The following ATP11A variants were observed in gnomAD, a reference collection of about 807,000 sequenced individuals.
ATP11A encodes the protein ATPase phospholipid transporting 11A.
A neutral mutation model predicts 154.4 loss-of-function variants in ATP11A; 81 were observed. The observed-to-expected ratio is 0.52, with a 90% confidence interval of 0.44 to 0.63. The LOEUF is 0.63. ATP11A is among the 30% of genes least tolerant of loss of function. The pLI is 0.00. For synonymous variants in ATP11A, 623 were observed against 585.9 expected, an observed-to-expected ratio of 1.06 and a Z score of -0.91; for missense variants, 1,316 against 1,474.3, an observed-to-expected ratio of 0.89 and a Z score of 1.76.
At chr13:112,857,669 C>T (rs543553480) in intron 20 of ATP11A, 149 bp from the exon 21 acceptor site, 240 of 647,648 alleles carry the variant, frequency 3.7e-4, no homozygotes, top group Non-Finnish European at 5.3e-4. Context: ...ATGGAGAAAA[C>T]AGACAGAATG....
chr13:112,823,407 T>C lies in ATP11A; in HGVS notation c.788T>C (p.Phe263Ser), dbSNP rs146522718. ...ACACTGAAGAACACTGAGAAAATCT[T>C]TGGTAAATATTTAATTAATTATTAA... ...GATLKNTEKI[F>S]GVAIYTGMET... The change falls in exon 9 of 30, where the codon TTT (phenylalanine) becomes TCT (serine). Residue 263 changes from phenylalanine to serine, a missense_variant and splice_region_variant. Coordinates refer to ENST00000375645, the MANE Select transcript of ATP11A (RefSeq NM_015205.3). 5.3e-5 allele frequency: 85 copies of C among 1,609,850 alleles called. No individual in the cohort carries two copies. Among genetic ancestry groups the C allele is most frequent in the Non-Finnish European group, 6.7e-5 (79 of 1,176,660 alleles).
At chr13:112,736,176 C>A (rs751860855) in intron 1 of ATP11A, among the ~76,000 whole-genome samples, 3 of 152,218 alleles carry the variant, frequency 2.0e-5, no homozygotes, top group Admixed American at 6.5e-5. Context: ...CTGATCCAAC[C>A]ACACTGTTTG....
At chr13:112,816,470 G>A (rs1221332878) in intron 6 of ATP11A, among the ~76,000 whole-genome samples, 2 of 152,098 alleles carry the variant, frequency 1.3e-5, no homozygotes, top group African/African-American at 4.8e-5. Context: ...TTTTTATAGT[G>A]AAATTGTTAT....
At chr13:112,830,857 C>T (rs926709073) in intron 12 of ATP11A, among the ~76,000 whole-genome samples, 5 of 152,198 alleles carry the variant, frequency 3.3e-5, no homozygotes, top group African/African-American at 1.2e-4. Flanking sequence ...ACAGTTTTCT[C>T]TGAGATTTGT....
Position 112,780,533 on chromosome 13 carries a change from C to T in ATP11A, c.40-4602C>T, listed in dbSNP as rs144259403. ...TTCCGTGTATCCCTTCATCAGTGGA[C>T]GCGCGTTTGGAGGCTGCCACCTTTG... On this transcript the variant is annotated intron_variant, in intron 1 of 29. Transcript: ENST00000375645. 9.4e-4 allele frequency among the ~76,000 whole-genome samples: 143 copies of T among 152,262 alleles called. 1 individual carries two copies. Among genetic ancestry groups the T allele is most frequent in the Admixed American group, 1.8e-3 (28 of 15,294 alleles).
chr13:112,837,852 G>A (rs1428466572), intron 16 of ATP11A, among the ~76,000 whole-genome samples: 1 of 151,814 alleles, frequency 6.6e-6, no homozygotes, highest in Non-Finnish European at 1.5e-5. Flanking sequence ...GAGGCAGTGT[G>A]ACTCTCGGTG....
At chr13:112,745,649 G>A (rs1380192871) in intron 1 of ATP11A, 1 of 152,138 alleles carries the variant, frequency 6.6e-6, no homozygotes, top group Non-Finnish European at 1.5e-5. Context: ...ATGAGAATGA[G>A]TGAGGAAAGC....
chr13:112,711,151 G>C (rs1038333285), intron 1 of ATP11A, among the ~76,000 whole-genome samples: 1 of 152,236 alleles, frequency 6.6e-6, no homozygotes, highest in Non-Finnish European at 1.5e-5. Flanking sequence ...CAGCTGGGCC[G>C]CGTGCGGCTC....
At chr13:112,692,496 CTA>C (rs1052170058) in intron 1 of ATP11A, among the ~76,000 whole-genome samples, 4 of 152,106 alleles carry the variant, frequency 2.6e-5, no homozygotes, top group African/African-American at 7.2e-5. Context: ...TTATATAGAT[CTA>C]TATAAGTGTT....
chr13:112,779,141 TAGCCGCTGGAGTGAGG>T (rs2077430960), intron 1 of ATP11A, among the ~76,000 whole-genome samples: 1 of 46,250 alleles, frequency 2.2e-5, no homozygotes, highest in Non-Finnish European at 3.9e-5. Context: ...CTGGAGTGAG[TAGCCGCTGGAGTGAGG>T]AGTAGCCACT....
rs201900004 is a variant in ATP11A at position 112,810,723 on chromosome 13, G to A, written c.438G>A (p.Leu146=). ...GKLVRKQSRK[L]RVGDIVMVKE... ...TCGTTCGGAAACAAAGTCGAAAGCT[G>A]CGAGTAAGTGACACCCGACACATTT... Residue 146 remains leucine (L), a synonymous_variant, in exon 5 of 30, where the codon CTG becomes CTA. Coordinates refer to ENST00000375645, the MANE Select transcript of ATP11A (RefSeq NM_015205.3). 1.3e-4 allele frequency: 214 copies of A among 1,613,864 alleles called. 2 individuals are homozygous for A. The East Asian group carries it at 4.7e-3, about 35-fold the overall frequency.
At chr13:112,712,460 G>A (rs747425346) in intron 1 of ATP11A, among the ~76,000 whole-genome samples, 1 of 152,240 alleles carries the variant, frequency 6.6e-6, no homozygotes, top group Non-Finnish European at 1.5e-5. Flanking sequence ...GGGCCCCACA[G>A]TGTGGCTGAT....
chr13:112,839,207 G>A (rs552648798), intron 16 of ATP11A, among the ~76,000 whole-genome samples: 32 of 152,226 alleles, frequency 2.1e-4, no homozygotes, highest in Middle Eastern at 3.4e-3. Flanking sequence ...GGGATCCTGC[G>A]GATGCTTACT....
At chr13:112,816,963 T>G (rs535621104) in intron 6 of ATP11A, among the ~76,000 whole-genome samples, 1 of 152,268 alleles carries the variant, frequency 6.6e-6, no homozygotes, top group East Asian at 1.9e-4. Context: ...TTTTGCCTGT[T>G]ACTTCAATGA....
intron 1 of ATP11A, among the ~76,000 whole-genome samples, chr13:112,692,013 G>C (rs1336647206): frequency 6.6e-6 from 1 of 152,150 alleles, no homozygotes; most frequent in Non-Finnish European, 1.5e-5. Flanking sequence ...CGAGCCCCCA[G>C]TTCAAATCCT....
At chr13:112,778,575 A>G (rs1346868000) in intron 1 of ATP11A, among the ~76,000 whole-genome samples, 1 of 152,114 alleles carries the variant, frequency 6.6e-6, no homozygotes, top group Non-Finnish European at 1.5e-5. Context: ...CAGCCGCTGG[A>G]GTGAGTAGCC....
chr13:112,838,338 G>T lies in ATP11A; in HGVS notation c.1705+2087G>T, dbSNP rs990559640. Among the ~76,000 whole-genome samples the T allele has an allele frequency of 3.3e-5, 5 of 152,206 alleles. No individual in the cohort carries two copies. Among genetic ancestry groups the T allele is most frequent in the Admixed American group, 3.3e-4 (5 of 15,282 alleles). ...CGTAGCAGTCGAATCTAGCTGTTGA[G>T]CCATGGCTGGAACATGCTGCCCGTG... On this transcript the variant is annotated intron_variant, in intron 16 of 29. Coordinates refer to ENST00000375645, the MANE Select transcript of ATP11A (RefSeq NM_015205.3). The surrounding 1 kb of genome is among the most constrained non-coding windows in gnomAD (Gnocchi z 7.3).
rs538524921 is a variant in ATP11A, at chr13:112,744,513, C to A, written c.40-40622C>A. On this transcript the variant is annotated intron_variant, in intron 1 of 29. Transcript: ENST00000375645. ...CCTAATCTTCACATTTGGTGACTCT[C>A]CCTGGCAGCTTCTCACGTGAAAGCT... Among the ~76,000 whole-genome samples, 83 of 152,332 alleles carry A rather than the reference C, an allele frequency of 5.4e-4. 1 individual carries two copies. The South Asian group carries it at 7.9e-3, about 14-fold the overall frequency.
At chr13:112,794,934 A>G (rs1005642907) in intron 2 of ATP11A, among the ~76,000 whole-genome samples, 2 of 152,082 alleles carry the variant, frequency 1.3e-5, no homozygotes, top group African/African-American at 4.8e-5. Context: ...CCAAAGCTGT[A>G]CAGTAACATT....
Sources: gnomAD v4.1 joint callset for allele counts (sites outside exome capture counted in the v4.1 genomes callset) on GRCh38, gnomAD v4.1.1 for gene constraint, Gnocchi (gnomAD v3.1) non-coding constraint, MANE v1.5 for transcripts, NCBI Gene and HGNC (gene_info 2026-07-23, HGNC 2026-07-21) for gene names.